The following CCSER1 variants were observed in gnomAD, a reference collection of about 807,000 sequenced individuals.
CCSER1 encodes coiled-coil serine rich protein 1.
Under a neutral mutation model 82.0 loss-of-function variants are expected in CCSER1, and 41 were observed. That is an observed-to-expected ratio of 0.50 (90% CI 0.39 to 0.65). The LOEUF (loss-of-function observed/expected upper bound fraction) is 0.65. Among genes scored for constraint, CCSER1 ranks in the 30% least tolerant of loss-of-function variants. CCSER1 has a pLI of 0.00. For missense variants in CCSER1, 1,119 were observed against 1,064.2 expected, an observed-to-expected ratio of 1.05 and a Z score of -0.72; for synonymous variants, 414 against 383.9, an observed-to-expected ratio of 1.08 and a Z score of -0.92.
At chr4:91,039,134 C>T (rs1433380420) in intron 9 of CCSER1, among the ~76,000 whole-genome samples, 1 of 152,102 alleles carries the variant, frequency 6.6e-6, no homozygotes, top group African/African-American at 2.4e-5. Flanking sequence ...CTCAAGCAAT[C>T]CTCCCACCTA....
intron 9 of CCSER1, among the ~76,000 whole-genome samples, chr4:91,018,439 G>C (rs1449081883): frequency 6.6e-6 from 1 of 151,950 alleles, no homozygotes; most frequent in Admixed American, 6.6e-5. Flanking sequence ...TCTGCAATCT[G>C]GATTATGACT....
intron 10 of CCSER1, among the ~76,000 whole-genome samples, chr4:91,530,983 G>A (rs920319158): frequency 1.7e-4 from 26 of 151,724 alleles, no homozygotes; most frequent in East Asian, 1.9e-4. Context: ...CACTGCACCC[G>A]GCAAAAATTG....
At chr4:90,255,098 T>C (rs1051314703) in intron 1 of CCSER1, among the ~76,000 whole-genome samples, 4 of 152,098 alleles carry the variant, frequency 2.6e-5, no homozygotes, top group African/African-American at 9.7e-5. Flanking sequence ...GGTAGTGTTT[T>C]TTAAAGCATA....
At chr4:91,487,821 T>G (rs1262343033) in intron 10 of CCSER1, among the ~76,000 whole-genome samples, 1 of 152,018 alleles carries the variant, frequency 6.6e-6, no homozygotes, top group Non-Finnish European at 1.5e-5. Context: ...TATATCATAA[T>G]TAGAACAACA....
intron 10 of CCSER1, among the ~76,000 whole-genome samples, chr4:91,164,072 T>G (rs1325995233): frequency 1.3e-5 from 2 of 152,226 alleles, no homozygotes; most frequent in African/African-American, 4.8e-5. Context: ...TGGTACCAGT[T>G]GTTCCTTTCC....
At chr4:90,791,622 G>A (rs1050249282) in intron 7 of CCSER1, among the ~76,000 whole-genome samples, 4 of 152,148 alleles carry the variant, frequency 2.6e-5, no homozygotes, top group Non-Finnish European at 5.9e-5. Context: ...AGGCCAAGGC[G>A]GGCGGATCAC....
chr4:91,162,732 T>C (rs187369933), intron 10 of CCSER1, among the ~76,000 whole-genome samples: 1 of 152,222 alleles, frequency 6.6e-6, no homozygotes, highest in Admixed American at 6.5e-5. Context: ...GTGTTTATAG[T>C]ATCCTCTGAT....
At chr4:91,417,695 G>T (rs544220561) in intron 10 of CCSER1, among the ~76,000 whole-genome samples, 1 of 151,820 alleles carries the variant, frequency 6.6e-6, no homozygotes, top group East Asian at 1.9e-4. Flanking sequence ...CTGTCATTGG[G>T]GGTCAAGGGG....
intron 7 of CCSER1, among the ~76,000 whole-genome samples, chr4:90,733,076 A>G (rs1184930006): frequency 1.3e-5 from 2 of 152,176 alleles, no homozygotes; most frequent in South Asian, 2.1e-4. Context: ...CAAATGGTAC[A>G]TCTATTTTTA....
chr4:91,439,725 C>T (rs372103772), intron 10 of CCSER1, among the ~76,000 whole-genome samples: 16,191 of 151,578 alleles, frequency 0.11, 1,007 homozygotes, highest in Middle Eastern at 0.19. Flanking sequence ...ACCCATCTCA[C>T]GTGCAGAGAC....
Position 91,157,657 on chromosome 4 carries a change from A to T in CCSER1, c.2217+71663A>T, listed in dbSNP as rs532456611. Reference sequence around the variant, plus strand: ...TAATGCCAGGGACAGCACTTAGAGTACCTGTTCCTACTTGGCTGGATCTTG... The same window carrying T: ...TAATGCCAGGGACAGCACTTAGAGTTCCTGTTCCTACTTGGCTGGATCTTG... On this transcript the variant is annotated intron_variant, in intron 10 of 10. Coordinates refer to ENST00000509176, the MANE Select transcript of CCSER1 (RefSeq NM_001145065.2). Among the ~76,000 whole-genome samples, 93 of 152,142 alleles carry T rather than the reference A, an allele frequency of 6.1e-4. 3 individuals are homozygous for T. The South Asian group carries it at 0.019, about 32-fold the overall frequency.
chr4:91,341,907 T>C (rs1190751761), intron 10 of CCSER1, among the ~76,000 whole-genome samples: 2 of 152,214 alleles, frequency 1.3e-5, no homozygotes, highest in Non-Finnish European at 2.9e-5. Flanking sequence ...ACCAGGACTT[T>C]TGGCATTATG....
intron 3 of CCSER1, among the ~76,000 whole-genome samples, chr4:90,367,555 A>G (rs1746484194): frequency 6.6e-6 from 1 of 151,964 alleles, no homozygotes; most frequent in African/African-American, 2.4e-5. Context: ...GTAAAGGAAG[A>G]AAGAATTTAG....
At chr4:91,132,847 ATG>A (rs1323661833) in intron 10 of CCSER1, among the ~76,000 whole-genome samples, 1 of 152,210 alleles carries the variant, frequency 6.6e-6, no homozygotes, top group African/African-American at 2.4e-5. Flanking sequence ...CTTAAAATAT[ATG>A]ACCTCTTAGA....
chr4:91,339,045 C>T (rs985387276), intron 10 of CCSER1, among the ~76,000 whole-genome samples: 2 of 152,074 alleles, frequency 1.3e-5, no homozygotes, highest in Non-Finnish European at 2.9e-5. Context: ...TTTTATTCTT[C>T]TGACTTTTGG....
intron 8 of CCSER1, among the ~76,000 whole-genome samples, chr4:90,908,188 T>C (rs1045677367): frequency 2.6e-5 from 4 of 152,258 alleles, no homozygotes; most frequent in East Asian, 1.9e-4. Context: ...GCAAAAAAGA[T>C]ATTAAGACAG....
At chr4:90,756,937 C>G (rs6841566) in intron 7 of CCSER1, among the ~76,000 whole-genome samples, 8,672 of 152,152 alleles carry the variant, frequency 0.057, 355 homozygotes, top group Admixed American at 0.11. Flanking sequence ...CTTTATTCCA[C>G]TGATATGAAT....
At chr4:91,368,573 TATC>T (rs1020403064) in intron 10 of CCSER1, among the ~76,000 whole-genome samples, 1 of 152,148 alleles carries the variant, frequency 6.6e-6, no homozygotes, top group Non-Finnish European at 1.5e-5. Flanking sequence ...ATAAATATTT[TATC>T]ATGTTTTTCT....
chr4:90,883,616 A>G (rs1218304714), intron 8 of CCSER1, among the ~76,000 whole-genome samples: 1 of 152,194 alleles, frequency 6.6e-6, no homozygotes, highest in African/African-American at 2.4e-5. Context: ...ACTAAAAATA[A>G]TTCAGTGTTA....
Sources: gnomAD v4.1 joint callset for allele counts (sites outside exome capture counted in the v4.1 genomes callset) on GRCh38, gnomAD v4.1.1 for gene constraint, MANE v1.5 for transcripts, NCBI Gene and HGNC (gene_info 2026-07-23, HGNC 2026-07-21) for gene names.